ARRDC3: variants seen among roughly 807,000 people sequenced by gnomAD.
ARRDC3 encodes the protein arrestin domain-containing protein 3.
A neutral mutation model predicts 47.2 loss-of-function variants in ARRDC3; 10 were observed. That is an observed-to-expected ratio of 0.21 (90% CI 0.13 to 0.36). The LOEUF is 0.36. Ranked by LOEUF, ARRDC3 falls within the 10% of genes least tolerant of loss-of-function variation. ARRDC3 has a pLI of 1.00. For synonymous variants in ARRDC3, 156 were observed against 178.3 expected (o/e 0.87, Z 1.00); for missense variants, 381 against 503.6 (o/e 0.76, Z 2.33).
rs1409989960 is a variant in ARRDC3, at chr5:91,371,007, A to T, written c.*393T>A. The T allele has an allele frequency of 1.3e-5, 2 of 149,438 alleles. No homozygotes were observed. The highest frequency in any genetic ancestry group is 1.4e-4 in the Admixed American group (2 of 14,466). 9.3% of individuals were successfully genotyped at this position (149,438 alleles called of 1,614,324 possible). Reference sequence around the variant, plus strand: ...AGAGTATCAAGAGTCTGGCAAAAATAGAAAAAAAAAAAAAAAAAAAAAGAA... The same window carrying T: ...AGAGTATCAAGAGTCTGGCAAAAATTGAAAAAAAAAAAAAAAAAAAAAGAA... On this transcript the variant is annotated 3_prime_UTR_variant, in exon 8 of 8. Transcript: ENST00000265138.
chr5:91,373,398 C>G (rs1475106468), intron 7 of ARRDC3, among the ~76,000 whole-genome samples: 1 of 151,860 alleles, frequency 6.6e-6, no homozygotes, highest in Non-Finnish European at 1.5e-5. Flanking sequence ...CAAAATTCTT[C>G]CTTCAAAAAA....
chr5:91,378,191 C>T (rs1357779476), intron 2 of ARRDC3, among the ~76,000 whole-genome samples: 2 of 151,998 alleles, frequency 1.3e-5, no homozygotes, highest in Admixed American at 6.6e-5. Context: ...GTTCTTTGTA[C>T]AGAAGCTATT....
Position 91,383,295 on chromosome 5 carries a change from C to T in ARRDC3, c.-203G>A. ...GCTGCTGCTCCGCGCTCCCGCTCGT[C>T]TCAGTGGTCTCCTTACAAAGACGGG... On this transcript the variant is annotated 5_prime_UTR_variant, in exon 1 of 8. Coordinates refer to ENST00000265138, the MANE Select transcript of ARRDC3 (RefSeq NM_020801.4). 1.9e-6 allele frequency: 1 copy of T among 530,726 alleles called. No individual in the cohort carries two copies. The highest frequency in any genetic ancestry group is 2.8e-5 in the South Asian group (1 of 36,224). The allele number at this position is 530,726 out of a possible 1,614,324, so 32.9% of individuals were successfully genotyped here.
chr5:91,382,317 A>C (rs1022368388), intron 1 of ARRDC3, among the ~76,000 whole-genome samples: 1 of 152,236 alleles, frequency 6.6e-6, no homozygotes, highest in Non-Finnish European at 1.5e-5. Flanking sequence ...CTTTTATGAA[A>C]GAACAGTCAT....
At chr5:91,373,633 C>T (rs370344255) in intron 7 of ARRDC3, 51 bp downstream of exon 7, 5 of 1,535,504 alleles carry the variant, frequency 3.3e-6, no homozygotes, top group Non-Finnish European at 4.4e-6. Context: ...GCCTGCAATG[C>T]TATTTCCCAA....
At chr5:91,374,891 A>G in intron 5 of ARRDC3, 31 bp downstream of exon 5, 1 of 1,600,680 alleles carries the variant, frequency 6.2e-7, no homozygotes, top group Non-Finnish European at 8.5e-7. Flanking sequence ...AAGAAAAAAG[A>G]AAGGAAAAAA....
rs1354497010 is a variant in ARRDC3, at chr5:91,370,944, GT to G, written c.*455del. 1 of 120,950 alleles carries G rather than the reference GT, an allele frequency of 8.3e-6. No homozygotes were observed. Among genetic ancestry groups the G allele is most frequent in the Non-Finnish European group, 1.6e-5 (1 of 61,100 alleles). 7.5% of individuals were successfully genotyped at this position (120,950 alleles called of 1,614,324 possible). ...CATGTTAAAGTTTTTTCAAAGCTTT[GT>G]TTTGTTCCTTGTTGTGCTGACCACA... On this transcript the variant is annotated 3_prime_UTR_variant, in exon 8 of 8. Transcript: ENST00000265138.
chr5:91,376,821 T>C, intron 2 of ARRDC3, 53 bp from the exon 3 acceptor site: 1 of 1,503,500 alleles, frequency 6.7e-7, no homozygotes, highest in Non-Finnish European at 9.0e-7. Context: ...TTCTAACAAT[T>C]ACACAGTAGG....
At position 91,376,830 on chromosome 5, in the gene ARRDC3, G is replaced by C; in HGVS notation, c.363-62C>G. ...ACCTCTTTCTAACAATTACACAGTA[G>C]GTCAGAATAGAAGTGTTAATATATT... On this transcript the variant is annotated intron_variant, in intron 2 of 7. Coordinates refer to ENST00000265138, the MANE Select transcript of ARRDC3 (RefSeq NM_020801.4). The C allele has an allele frequency of 3.4e-6, 5 of 1,452,504 alleles. No individual in the cohort carries two copies. In the South Asian group the frequency reaches 5.4e-5, roughly 16 times the overall value. 90.0% of individuals were successfully genotyped at this position (1,452,504 alleles called of 1,614,324 possible).
rs548294485 is a variant in ARRDC3, at chr5:91,374,097, G to A, written c.1033+17C>T. On this transcript the variant is annotated intron_variant, in intron 6 of 7. Transcript: ENST00000265138. ...TAGTAGTAAGAGATTAAGCTTAGAC[G>A]TGTATTATCAAATTACCTTCAGGTC... is the stretch of plus-strand genomic sequence containing the variant. 171 of 1,608,582 alleles carry A rather than the reference G, an allele frequency of 1.1e-4. No individual in the cohort carries two copies. Among genetic ancestry groups the A allele is most frequent in the Middle Eastern group, 1.7e-4 (1 of 6,040 alleles).
chr5:91,373,933 A>G, intron 6 of ARRDC3, 95 bp from the exon 7 acceptor site: 2 of 1,533,364 alleles, frequency 1.3e-6, no homozygotes, highest in Non-Finnish European at 8.9e-7. Flanking sequence ...GTCAAGGTAA[A>G]ATAATTATTG....
At chr5:91,377,321 C>T (rs913380820) in intron 2 of ARRDC3, among the ~76,000 whole-genome samples, 10 of 152,122 alleles carry the variant, frequency 6.6e-5, no homozygotes, top group African/African-American at 2.4e-4. Flanking sequence ...TCTCAGTTTA[C>T]TCATGTTCTA....
rs1464133702 is a variant in ARRDC3, at chr5:91,369,193, A to C, written c.*2207T>G. On this transcript the variant is annotated 3_prime_UTR_variant, in exon 8 of 8. Coordinates refer to ENST00000265138, the MANE Select transcript of ARRDC3 (RefSeq NM_020801.4). ...TCTTGCTTCATGTGTTATTTGTAAGAGTATATAATGACAAGTATTCCAATG... is the reference window on the plus strand; with the variant it reads ...TCTTGCTTCATGTGTTATTTGTAAGCGTATATAATGACAAGTATTCCAATG... 2.0e-5 allele frequency: 3 copies of C among 152,568 alleles called. No homozygotes were observed. The highest frequency in any genetic ancestry group is 4.4e-5 in the Non-Finnish European group (3 of 68,034). The allele number at this position is 152,568 out of a possible 1,614,324, so 9.5% of individuals were successfully genotyped here.
rs1219558167 is a variant in ARRDC3, at chr5:91,383,123, T to G, written c.-31A>C. ...TAACAAAATCTATAAAAATATAATG[T>G]AAGACAAAAAAGTCAAGATCGCATA... is the stretch of plus-strand genomic sequence containing the variant. On this transcript the variant is annotated 5_prime_UTR_variant, in exon 1 of 8. Transcript: ENST00000265138. 6.5e-7 allele frequency: 1 copy of G among 1,545,742 alleles called. No individual in the cohort carries two copies. The highest frequency in any genetic ancestry group is 2.3e-5 in the East Asian group (1 of 44,408).
In ARRDC3 at chr5:91,370,857, A is replaced by C. The variant is rs760476771; in HGVS notation, c.*543T>G. The C allele has an allele frequency of 6.6e-6, 1 of 152,660 alleles. No homozygotes were observed. The highest frequency in any genetic ancestry group is 1.5e-5 in the Non-Finnish European group (1 of 68,158). 9.5% of individuals were successfully genotyped at this position (152,660 alleles called of 1,614,324 possible). On this transcript the variant is annotated 3_prime_UTR_variant, in exon 8 of 8. Transcript: ENST00000265138. ...GTCAGCCTAGTAGACAATTCTGAGC[A>C]TGTGCATACGCAGGTAAAGTCCAGG...
chr5:91,381,682 CTA>C (rs1439581744), intron 1 of ARRDC3, among the ~76,000 whole-genome samples: 1 of 152,200 alleles, frequency 6.6e-6, no homozygotes, highest in Non-Finnish European at 1.5e-5. Flanking sequence ...AAATATGTCT[CTA>C]ATTTTTTTTC....
At chr5:91,374,829 G>A (rs1238721331) in intron 5 of ARRDC3, 93 bp downstream of exon 5, 18 of 1,294,056 alleles carry the variant, frequency 1.4e-5, no homozygotes, top group Admixed American at 8.5e-5. Flanking sequence ...AGGCTGTAGC[G>A]GAGCTGAGAC....
rs2127062712 is a variant in ARRDC3 at position 91,369,227 on chromosome 5, A to G, written c.*2173T>C. 1 of 152,710 alleles carries G rather than the reference A, an allele frequency of 6.5e-6. No homozygotes were observed. Among genetic ancestry groups the G allele is most frequent in the East Asian group, 1.9e-4 (1 of 5,186 alleles). The allele number at this position is 152,710 out of a possible 1,614,324, so 9.5% of individuals were successfully genotyped here. ...TGACAAGTATTCCAATGCTATGCAT[A>G]TCAACAATTGTTCCCTAGTCAGTTA... On this transcript the variant is annotated 3_prime_UTR_variant, in exon 8 of 8. Coordinates refer to ENST00000265138, the MANE Select transcript of ARRDC3 (RefSeq NM_020801.4).
intron 2 of ARRDC3, among the ~76,000 whole-genome samples, chr5:91,377,524 C>T (rs1799332573): frequency 6.6e-6 from 1 of 150,906 alleles, no homozygotes; most frequent in African/African-American, 2.4e-5. Context: ...CAGTTATTTA[C>T]AAGAGTGCTA....
Sources: allele counts gnomAD v4.1 joint callset (sites outside exome capture counted in the v4.1 genomes callset), GRCh38; gene constraint gnomAD v4.1.1; transcripts MANE v1.5; gene names NCBI Gene and HGNC (gene_info 2026-07-23, HGNC 2026-07-21).